Variants in TLL1 observed in about 807,000 individuals in gnomAD.
The protein encoded by TLL1 is tolloid like 1.
In TLL1, 49 loss-of-function variants were observed where a neutral mutation model predicts 128.2. That is an observed-to-expected ratio of 0.38 (90% confidence interval 0.30 to 0.48). The LOEUF (loss-of-function observed/expected upper bound fraction) is 0.48, where lower values mean the gene tolerates loss of function less well. Ranked by LOEUF, TLL1 falls within the 20% of genes least tolerant of loss-of-function variation. TLL1 has a pLI of 0.96. For synonymous variants in TLL1, 454 were observed against 418.8 expected, an observed-to-expected ratio of 1.08 and a Z score of -1.03; for missense variants, 1,123 against 1,242.0, an observed-to-expected ratio of 0.90 and a Z score of 1.44.
At chr4:166,043,098 G>A (rs1739310266) in intron 11 of TLL1, among the ~76,000 whole-genome samples, 176 bp from the exon 12 acceptor site, 1 of 137,256 alleles carries the variant, frequency 7.3e-6, no homozygotes, top group African/African-American at 2.6e-5. Flanking sequence ...TACTTTACTA[G>A]GTTTTTTTTA....
chr4:165,955,790 T>C (rs903818925), intron 1 of TLL1, among the ~76,000 whole-genome samples: 1 of 152,120 alleles, frequency 6.6e-6, no homozygotes, highest in Admixed American at 6.6e-5. Flanking sequence ...TTAAAGGAGT[T>C]CTAAACATGG....
rs1029246926 is a variant in TLL1, at chr4:166,057,377, GTCTGTCTTCC to G, written c.1846+72_1846+81del. 5 of 1,564,618 alleles carry G rather than the reference GTCTGTCTTCC, an allele frequency of 3.2e-6. No homozygotes were observed. The African/African-American group carries it at 8.4e-5, about 26-fold the overall frequency. On this transcript the variant is annotated intron_variant, in intron 14 of 20. Coordinates refer to ENST00000061240, the MANE Select transcript of TLL1 (RefSeq NM_012464.5). ...TTTATTTCTTATATTCTCATTCTCT[GTCTGTCTTCC>G]TCTTTCTTTCCCTTTTTCCTATAGT...
intron 8 of TLL1, among the ~76,000 whole-genome samples, chr4:166,024,688 C>T (rs1183430339): frequency 6.6e-6 from 1 of 152,092 alleles, no homozygotes; most frequent in Non-Finnish European, 1.5e-5. Flanking sequence ...GAGGAAAATA[C>T]ACAAATTGCT....
At chr4:166,071,128 C>G (rs993816512) in intron 16 of TLL1, among the ~76,000 whole-genome samples, 1 of 151,840 alleles carries the variant, frequency 6.6e-6, no homozygotes, top group African/African-American at 2.4e-5. Context: ...TTGAGAATAC[C>G]TGCTCTTGTA....
Position 165,949,762 on chromosome 4 carries a change from T to C in TLL1, c.170-39619T>C, listed in dbSNP as rs188979826. Among the ~76,000 whole-genome samples the C allele has an allele frequency of 5.2e-4, 79 of 152,230 alleles. 1 individual carries two copies. The highest frequency in any genetic ancestry group is 3.4e-3 in the Middle Eastern group (1 of 294). On this transcript the variant is annotated intron_variant, in intron 1 of 20. Coordinates refer to ENST00000061240, the MANE Select transcript of TLL1 (RefSeq NM_012464.5). The stretch of plus-strand genomic sequence containing the variant: ...AACAGCATGGGGGAAACCACTGCCA[T>C]GATTCCATTATCTCCCACCGGGTCC...
chr4:165,910,771 G>A (rs560202046), intron 1 of TLL1, among the ~76,000 whole-genome samples: 12 of 152,292 alleles, frequency 7.9e-5, no homozygotes, highest in Admixed American at 7.2e-4. Context: ...AGTTAATGTT[G>A]TTATAGCCCA....
chr4:166,065,215 G>A (rs930179771), intron 15 of TLL1, among the ~76,000 whole-genome samples: 1 of 152,138 alleles, frequency 6.6e-6, no homozygotes, highest in Non-Finnish European at 1.5e-5. Context: ...ACAGCACTCA[G>A]CAACAAAAAG....
At position 166,055,294 on chromosome 4, in the gene TLL1, C is replaced by T. The variant is rs370486408; in HGVS notation, c.1720+23C>T. 5.1e-5 allele frequency: 81 copies of T among 1,598,962 alleles called. No individual in the cohort carries two copies. In the African/African-American group the frequency reaches 5.6e-4, roughly 11 times the overall value. ...AAGGTAATTTGAAATAATTTTCAAA[C>T]GTGAGATTTTCTTTATCAAGGATAC... On this transcript the variant is annotated intron_variant, in intron 13 of 20. Transcript: ENST00000061240.
intron 1 of TLL1, among the ~76,000 whole-genome samples, chr4:165,902,549 C>T (rs1387106833): frequency 6.6e-6 from 1 of 152,148 alleles, no homozygotes; most frequent in Non-Finnish European, 1.5e-5. Context: ...TCCCTGACTC[C>T]TTCTGCTTCC....
At chr4:165,940,388 C>T (rs1171169225) in intron 1 of TLL1, among the ~76,000 whole-genome samples, 1 of 151,832 alleles carries the variant, frequency 6.6e-6, no homozygotes, top group Non-Finnish European at 1.5e-5. Flanking sequence ...ATACAGTGCA[C>T]ATTCGTATAC....
intron 14 of TLL1, among the ~76,000 whole-genome samples, chr4:166,059,784 A>G (rs1458852482): frequency 1.3e-5 from 2 of 152,076 alleles, no homozygotes; most frequent in Non-Finnish European, 2.9e-5. Context: ...TAAAGTTACT[A>G]AAATTTAGTA....
intron 4 of TLL1, 128 bp downstream of exon 4, chr4:165,994,661 T>A: frequency 9.4e-7 from 1 of 1,062,662 alleles, no homozygotes; most frequent in Non-Finnish European, 1.4e-6. Context: ...ACTACTTCAT[T>A]AACTTAGGTT....
chr4:165,997,212 A>T (rs1736925883), intron 5 of TLL1, among the ~76,000 whole-genome samples: 1 of 152,206 alleles, frequency 6.6e-6, no homozygotes, highest in Non-Finnish European at 1.5e-5. Context: ...AAATTATTAA[A>T]GAGCTTGGTA....
intron 1 of TLL1, among the ~76,000 whole-genome samples, chr4:165,929,447 G>A (rs1733418261): frequency 6.6e-6 from 1 of 151,606 alleles, no homozygotes; most frequent in Non-Finnish European, 1.5e-5. Context: ...GCTGAGGCAG[G>A]AGAACCGCTT....
rs1422974213 is a variant in TLL1 at position 166,103,085 on chromosome 4, A to C, written c.*2209A>C. The C allele has an allele frequency of 6.6e-6, 1 of 151,938 alleles. No individual in the cohort carries two copies. Among genetic ancestry groups the C allele is most frequent in the Non-Finnish European group, 1.5e-5 (1 of 67,900 alleles). The allele number at this position is 151,938 out of a possible 1,614,324, so 9.4% of individuals were successfully genotyped here. On this transcript the variant is annotated 3_prime_UTR_variant, in exon 21 of 21. Coordinates refer to ENST00000061240, the MANE Select transcript of TLL1 (RefSeq NM_012464.5). The stretch of plus-strand genomic sequence containing the variant: ...TTTTGTAGTTCAGAAAGTGAGGCTC[A>C]AAGAATTTATGTAACCTTCCCAGAG...
chr4:165,882,169 A>G (rs1278670956), intron 1 of TLL1, among the ~76,000 whole-genome samples: 1 of 152,198 alleles, frequency 6.6e-6, no homozygotes, highest in African/African-American at 2.4e-5. Context: ...ACTCCTAGAG[A>G]TAATAGGATC....
intron 1 of TLL1, among the ~76,000 whole-genome samples, chr4:165,970,946 C>T (rs1258472839): frequency 6.6e-6 from 1 of 152,196 alleles, no homozygotes; most frequent in Non-Finnish European, 1.5e-5. Context: ...ATGATTCACA[C>T]AGGTGGCTGG....
intron 9 of TLL1, chr4:166,031,039 A>G (rs986375461): frequency 3.4e-6 from 3 of 882,710 alleles, no homozygotes; most frequent in Non-Finnish European, 4.1e-6. Context: ...TAAAAATTTA[A>G]TAAGTTAATA....
rs1050004711 is a variant in TLL1, at chr4:166,091,301, A to T, written c.2616A>T (p.Ala872=). Reference sequence around the variant, plus strand: ...TGTTTGTTCGGTTTGTTTCTGATGCATCTGTTCAAAGAAAAGGCTTTCAAG... The same window carrying T: ...TGTTTGTTCGGTTTGTTTCTGATGCTTCTGTTCAAAGAAAAGGCTTTCAAG... ...NKMFVRFVSD[A]SVQRKGFQAT... is the part of the protein sequence containing the mutation. Residue 872 remains alanine (A), a synonymous_variant, in exon 19 of 21, where the codon GCA becomes GCT. Coordinates refer to ENST00000061240, the MANE Select transcript of TLL1 (RefSeq NM_012464.5). 1.9e-6 allele frequency: 3 copies of T among 1,613,000 alleles called. No individual in the cohort carries two copies. Among genetic ancestry groups the T allele is most frequent in the Middle Eastern group, 1.7e-4 (1 of 6,048 alleles).
Sources: allele counts gnomAD v4.1 joint callset (sites outside exome capture counted in the v4.1 genomes callset), GRCh38; gene constraint gnomAD v4.1.1; transcripts MANE v1.5; gene names NCBI Gene and HGNC (gene_info 2026-07-23, HGNC 2026-07-21).